Variants in CACNA2D3 observed in about 807,000 individuals in gnomAD.
CACNA2D3 encodes calcium voltage-gated channel auxiliary subunit alpha2delta 3.
A neutral mutation model predicts 160.6 loss-of-function variants in CACNA2D3; 60 were observed. The observed-to-expected ratio is 0.37, with a 90% CI of 0.30 to 0.46. The LOEUF (loss-of-function observed/expected upper bound fraction) is 0.46, where lower values mean the gene tolerates loss of function less well. Among genes scored for constraint, CACNA2D3 ranks in the 20% least tolerant of loss-of-function variants. The probability of loss-of-function intolerance (pLI) is 1.00; values close to 1 mark genes in which losing one functional copy is unlikely to be tolerated. For synonymous variants in CACNA2D3, 558 were observed against 492.9 expected, an observed-to-expected ratio of 1.13 and a Z score of -1.75; for missense variants, 1,205 against 1,365.0, an observed-to-expected ratio of 0.88 and a Z score of 1.85.
chr3:54,977,995 T>TG (rs1702428488), intron 29 of CACNA2D3, among the ~76,000 whole-genome samples: 1 of 152,190 alleles, frequency 6.6e-6, no homozygotes, highest in Non-Finnish European at 1.5e-5. Context: ...TAGGGTATCT[T>TG]CCTGACGTTG....
chr3:54,849,908 C>G (rs370638018), intron 17 of CACNA2D3, among the ~76,000 whole-genome samples: 1 of 152,214 alleles, frequency 6.6e-6, no homozygotes, highest in Non-Finnish European at 1.5e-5. Context: ...CTAATTTGTC[C>G]TATAAAATCT....
chr3:54,774,246 G>A (rs963670350), intron 13 of CACNA2D3, among the ~76,000 whole-genome samples: 4 of 152,200 alleles, frequency 2.6e-5, no homozygotes, highest in African/African-American at 7.2e-5. Flanking sequence ...CCGAGACTGA[G>A]ACTGGGTAAT....
intron 2 of CACNA2D3, among the ~76,000 whole-genome samples, chr3:54,177,410 A>G (rs2107318842): frequency 6.6e-6 from 1 of 152,326 alleles, no homozygotes; most frequent in South Asian, 2.1e-4. Context: ...CAGAAATGGT[A>G]GGTAGAACAG....
At chr3:54,631,030 C>G (rs957832276) in intron 10 of CACNA2D3, among the ~76,000 whole-genome samples, 3 of 152,016 alleles carry the variant, frequency 2.0e-5, no homozygotes, top group Non-Finnish European at 4.4e-5. Flanking sequence ...GGTGAAATCC[C>G]GTCTCTACTA....
intron 2 of CACNA2D3, among the ~76,000 whole-genome samples, chr3:54,241,698 C>G (rs1250818190): frequency 2.0e-5 from 3 of 152,122 alleles, no homozygotes; most frequent in Non-Finnish European, 2.9e-5. Flanking sequence ...CAGGGAAGCT[C>G]CTGTGGCATA....
At chr3:54,559,893 G>C (rs1365337210) in intron 5 of CACNA2D3, among the ~76,000 whole-genome samples, 2 of 152,160 alleles carry the variant, frequency 1.3e-5, no homozygotes, top group Non-Finnish European at 2.9e-5. Flanking sequence ...ATGGCCTGCA[G>C]TTCCATCCAT....
chr3:54,549,880 G>C (rs1349393196), intron 5 of CACNA2D3, among the ~76,000 whole-genome samples: 1 of 152,206 alleles, frequency 6.6e-6, no homozygotes, highest in South Asian at 2.1e-4. Context: ...TGGGAGCCAG[G>C]CCTGTCTGGA....
rs565556596 is a variant in CACNA2D3 at position 54,681,382 on chromosome 3, C to CAAAAAAAAAA, written c.1167+39158_1167+39167dup. ...TGAAACCCCATCTCTACTAAAAATA[C>CAAAAAAAAAA]AAAAAAAAAAAAAAAAAAAAAAAAA... On this transcript the variant is annotated intron_variant, in intron 11 of 37. Transcript: ENST00000474759. Among the ~76,000 whole-genome samples the CAAAAAAAAAA allele has an allele frequency of 4.5e-4, 28 of 62,096 alleles. 2 individuals are homozygous for CAAAAAAAAAA. The highest frequency in any genetic ancestry group is 1.4e-3 in the African/African-American group (17 of 12,400). 40.7% of individuals were successfully genotyped at this position (62,096 alleles called of 152,430 possible). A position where few individuals can be genotyped will look rare whatever the true frequency, so the allele number is the denominator to read the frequency against.
At chr3:54,177,368 G>A (rs369437779) in intron 2 of CACNA2D3, among the ~76,000 whole-genome samples, 173 of 152,254 alleles carry the variant, frequency 1.1e-3, no homozygotes, top group African/African-American at 4.0e-3. Flanking sequence ...TTGGCAGGAC[G>A]TCTTCAGTTT....
intron 27 of CACNA2D3, among the ~76,000 whole-genome samples, chr3:54,908,736 A>G (rs1700497440): frequency 6.6e-6 from 1 of 152,198 alleles, no homozygotes; most frequent in African/African-American, 2.4e-5. Context: ...GAGAAAAAGC[A>G]AAAAATCTTG....
rs149335139 is a variant in CACNA2D3, at chr3:54,718,727, T to A, written c.1168-33872T>A. ...TTCTACAAAATAATCTGCTGAGACTTTGATTGCGATTGAGTTGAATGTAAA... is the reference window on the plus strand; with the variant it reads ...TTCTACAAAATAATCTGCTGAGACTATGATTGCGATTGAGTTGAATGTAAA... On this transcript the variant is annotated intron_variant, in intron 11 of 37. Coordinates refer to ENST00000474759, the MANE Select transcript of CACNA2D3 (RefSeq NM_018398.3). Among the ~76,000 whole-genome samples, 72 of 152,216 alleles carry A rather than the reference T, an allele frequency of 4.7e-4. No individual in the cohort carries two copies. The East Asian group carries it at 0.012, about 25-fold the overall frequency.
At chr3:54,459,770 A>C (rs1458001975) in intron 4 of CACNA2D3, among the ~76,000 whole-genome samples, 6 of 152,110 alleles carry the variant, frequency 3.9e-5, no homozygotes, top group African/African-American at 1.2e-4. Context: ...GAAGCTGTTT[A>C]GTTTAATTGT....
chr3:54,672,864 C>A (rs1373595816), intron 11 of CACNA2D3, among the ~76,000 whole-genome samples: 1 of 152,190 alleles, frequency 6.6e-6, no homozygotes. Flanking sequence ...ACGAGTAAAT[C>A]CTCAAGAGAT....
intron 2 of CACNA2D3, among the ~76,000 whole-genome samples, chr3:54,279,315 G>A (rs140667939): frequency 1.3e-5 from 2 of 152,300 alleles, no homozygotes; most frequent in African/African-American, 4.8e-5. Context: ...GGCTGCAGGC[G>A]GGTGGGCAGC....
At chr3:54,863,758 C>T (rs947926090) in intron 17 of CACNA2D3, among the ~76,000 whole-genome samples, 5 of 151,898 alleles carry the variant, frequency 3.3e-5, no homozygotes, top group East Asian at 1.9e-4. Context: ...AGTTTTACAG[C>T]GATCAAAAGG....
intron 10 of CACNA2D3, among the ~76,000 whole-genome samples, chr3:54,641,875 C>G (rs572492133): frequency 1.3e-5 from 2 of 152,276 alleles, no homozygotes; most frequent in Admixed American, 1.3e-4. Context: ...CTTTGGGATT[C>G]CCTTGGCCAA....
At chr3:54,888,145 A>G in intron 24 of CACNA2D3, 93 bp downstream of exon 24, 1 of 1,001,678 alleles carries the variant, frequency 1.0e-6, no homozygotes, top group Non-Finnish European at 1.6e-6. Flanking sequence ...TGTTTTAGGA[A>G]CCTGGTGTTA....
At chr3:54,637,661 G>A (rs939969081) in intron 10 of CACNA2D3, 7 of 151,902 alleles carry the variant, frequency 4.6e-5, no homozygotes, top group Non-Finnish European at 1.0e-4. Context: ...GATTAAGAAG[G>A]GGACGGACTT....
intron 11 of CACNA2D3, among the ~76,000 whole-genome samples, chr3:54,665,979 G>T (rs1305282823): frequency 6.6e-6 from 1 of 151,890 alleles, no homozygotes; most frequent in African/African-American, 2.4e-5. Context: ...TTTTTTTGTA[G>T]GGATGGAGTC....
Sources: allele counts gnomAD v4.1 joint callset (sites outside exome capture counted in the v4.1 genomes callset), GRCh38; gene constraint gnomAD v4.1.1; transcripts MANE v1.5; gene names NCBI Gene and HGNC (gene_info 2026-07-23, HGNC 2026-07-21).